ABTB2: variants seen among roughly 807,000 people sequenced by gnomAD.
ABTB2 encodes the protein ankyrin repeat and BTB/POZ domain-containing protein 2.
Under a neutral mutation model 104.1 loss-of-function variants are expected in ABTB2, and 56 were observed. That is an observed-to-expected ratio of 0.54 (90% CI 0.43 to 0.67). The LOEUF is 0.67. Among genes scored for constraint, ABTB2 ranks in the 30% least tolerant of loss-of-function variants. The probability of loss-of-function intolerance (pLI) is 0.00; values close to 1 mark genes in which losing one functional copy is unlikely to be tolerated. For missense variants in ABTB2, 1,279 were observed against 1,407.7 expected (o/e 0.91, Z 1.46); for synonymous variants, 606 against 608.2 (o/e 1.00, Z 0.05).
intron 1 of ABTB2, among the ~76,000 whole-genome samples, chr11:34,211,634 C>G (rs1853481326): frequency 6.6e-6 from 1 of 152,120 alleles, no homozygotes; most frequent in African/African-American, 2.4e-5. Context: ...TGGCTCACAC[C>G]TGTAATCCCA....
chr11:34,250,401 T>C (rs974092648), intron 1 of ABTB2, among the ~76,000 whole-genome samples: 1 of 152,200 alleles, frequency 6.6e-6, no homozygotes, highest in Admixed American at 6.5e-5. Flanking sequence ...ATGCAATAAA[T>C]ACTTGCTCAA....
chr11:34,308,884 A>AAAAAAAG (rs1854814039), intron 1 of ABTB2, among the ~76,000 whole-genome samples: 1 of 151,014 alleles, frequency 6.6e-6, no homozygotes, highest in African/African-American at 2.4e-5. Flanking sequence ...AAAAAAAAAA[A>AAAAAAAG]AAAGAAAAGA....
chr11:34,221,002 C>T (rs1315321029), intron 1 of ABTB2, among the ~76,000 whole-genome samples: 1 of 151,350 alleles, frequency 6.6e-6, no homozygotes, highest in African/African-American at 2.4e-5. Flanking sequence ...AGGAGTCTGA[C>T]TCTGTCATGC....
intron 1 of ABTB2, among the ~76,000 whole-genome samples, chr11:34,251,021 C>T (rs189375997): frequency 6.6e-6 from 1 of 152,336 alleles, no homozygotes; most frequent in Admixed American, 6.5e-5. Context: ...CCTATATTTA[C>T]TCCTCCTTCT....
intron 16 of ABTB2, among the ~76,000 whole-genome samples, chr11:34,153,375 G>T (rs778281706): frequency 6.6e-6 from 1 of 152,022 alleles, no homozygotes; most frequent in Non-Finnish European, 1.5e-5. Context: ...TACTTTTTTG[G>T]GGGGCGGGGG....
chr11:34,248,997 G>A (rs1166017912), intron 1 of ABTB2, among the ~76,000 whole-genome samples: 1 of 152,210 alleles, frequency 6.6e-6, no homozygotes, highest in Admixed American at 6.5e-5. Context: ...GGGCGTGGTG[G>A]CACATGCTGT....
At chr11:34,197,638 C>A in intron 2 of ABTB2, 100 bp from the exon 3 acceptor site, 1 of 883,934 alleles carries the variant, frequency 1.1e-6, no homozygotes. Context: ...CTGGCTGAAG[C>A]TCCCTTGCCT....
intron 3 of ABTB2, among the ~76,000 whole-genome samples, chr11:34,186,067 G>C (rs910254): frequency 0.38 from 58,222 of 152,162 alleles, 12,123 homozygotes; most frequent in East Asian, 0.81. Flanking sequence ...AAAGCTGGAA[G>C]GAGGCGTGAT....
chr11:34,331,568 G>A (rs956822971), intron 1 of ABTB2, among the ~76,000 whole-genome samples: 2 of 152,156 alleles, frequency 1.3e-5, no homozygotes, highest in Non-Finnish European at 2.9e-5. Flanking sequence ...GACTGGCCAC[G>A]TGAGGGATGC....
rs185108366 is a variant in ABTB2, at chr11:34,307,417, C to T, written c.883+49284G>A. Among the ~76,000 whole-genome samples, 84 of 152,336 alleles carry T rather than the reference C, an allele frequency of 5.5e-4. 1 individual carries two copies. In the South Asian group the frequency reaches 6.0e-3, roughly 11 times the overall value. On this transcript the variant is annotated intron_variant, in intron 1 of 16. Coordinates refer to ENST00000435224, the MANE Select transcript of ABTB2 (RefSeq NM_145804.3). ...ATATGCATAACCTGTATTACCACTA[C>T]ATCCTAAAATGCTTGGAGAACAGCT...
chr11:34,313,066 A>G (rs1245327952), intron 1 of ABTB2, among the ~76,000 whole-genome samples: 2 of 152,240 alleles, frequency 1.3e-5, no homozygotes, highest in East Asian at 3.8e-4. Flanking sequence ...CTAAAATTAA[A>G]TCTATATTCA....
chr11:34,159,858 G>A (rs761600185), intron 13 of ABTB2, 48 bp downstream of exon 13: 1 of 1,451,148 alleles, frequency 6.9e-7, no homozygotes, highest in South Asian at 1.1e-5. Context: ...CTGAAACAAG[G>A]TGCTTCTGTG....
At chr11:34,303,652 T>C (rs1179909334) in intron 1 of ABTB2, among the ~76,000 whole-genome samples, 1 of 145,368 alleles carries the variant, frequency 6.9e-6, no homozygotes, top group Non-Finnish European at 1.5e-5. Context: ...TTTTTTTTTT[T>C]TTTTTTTTGA....
At chr11:34,236,969 A>G (rs1017230420) in intron 1 of ABTB2, among the ~76,000 whole-genome samples, 2 of 152,184 alleles carry the variant, frequency 1.3e-5, no homozygotes, top group Non-Finnish European at 2.9e-5. Context: ...ATGTATGCAA[A>G]AAGACAAAAT....
At chr11:34,164,540 T>C in intron 9 of ABTB2, 146 bp downstream of exon 9, 1 of 970,240 alleles carries the variant, frequency 1.0e-6, no homozygotes, top group South Asian at 2.5e-5. Flanking sequence ...AACTCCCCCA[T>C]GTTTCTGGTT....
chr11:34,172,379 A>T lies in ABTB2; in HGVS notation c.1397+776T>A, dbSNP rs1425522282. On this transcript the variant is annotated intron_variant, in intron 4 of 16. Coordinates refer to ENST00000435224, the MANE Select transcript of ABTB2 (RefSeq NM_145804.3). Reference sequence around the variant, plus strand: ...AGAGTGAAACTCTGTCTCAAAAAAAAAAAAAAAAAAAAAAAAATATATATA... The same window carrying T: ...AGAGTGAAACTCTGTCTCAAAAAAATAAAAAAAAAAAAAAAAATATATATA... Among the ~76,000 whole-genome samples the T allele has an allele frequency of 6.4e-5, 4 of 62,120 alleles. 1 individual carries two copies. Among genetic ancestry groups the T allele is most frequent in the African/African-American group, 2.2e-4 (4 of 18,214 alleles). The allele number at this position is 62,120 out of a possible 152,430, so 40.8% of individuals were successfully genotyped here. A position where few individuals can be genotyped will look rare whatever the true frequency, so the allele number is the denominator to read the frequency against.
intron 1 of ABTB2, among the ~76,000 whole-genome samples, chr11:34,269,742 G>T (rs1449517760): frequency 4.6e-5 from 7 of 152,206 alleles, no homozygotes; most frequent in Admixed American, 1.3e-4. Flanking sequence ...CATTTGCAGT[G>T]GATGGGATTT....
chr11:34,175,245 AT>A (rs1168611908), intron 3 of ABTB2, among the ~76,000 whole-genome samples: 1 of 152,236 alleles, frequency 6.6e-6, no homozygotes, highest in East Asian at 1.9e-4. Context: ...TGGCAAACAA[AT>A]ATAAATGCTC....
intron 3 of ABTB2, among the ~76,000 whole-genome samples, chr11:34,181,700 C>T (rs1225764873): frequency 6.6e-6 from 1 of 152,154 alleles, no homozygotes; most frequent in African/African-American, 2.4e-5. Flanking sequence ...GCCCGGCTCC[C>T]AGGGCTGGGA....
Sources: gnomAD v4.1 joint callset for allele counts (sites outside exome capture counted in the v4.1 genomes callset) on GRCh38, gnomAD v4.1.1 for gene constraint, MANE v1.5 for transcripts, NCBI Gene and HGNC (gene_info 2026-07-23, HGNC 2026-07-21) for gene names.